The following MACROD2 variants were observed in gnomAD, a reference collection of about 807,000 sequenced individuals.
MACROD2 encodes ADP-ribose glycohydrolase MACROD2.
MACROD2 carries 36 observed loss-of-function variants against 70.4 expected under a neutral mutation model. The observed-to-expected ratio is 0.51, with a 90% CI of 0.39 to 0.68. The LOEUF (loss-of-function observed/expected upper bound fraction) is 0.68, where lower values mean the gene tolerates loss of function less well. Ranked by LOEUF, MACROD2 falls within the 30% of genes least tolerant of loss-of-function variation. MACROD2 has a pLI of 0.00. For synonymous variants in MACROD2, 172 were observed against 178.8 expected, an observed-to-expected ratio of 0.96 and a Z score of 0.30; for missense variants, 496 against 538.4, an observed-to-expected ratio of 0.92 and a Z score of 0.78.
chr20:15,028,121 T>C (rs117755223), intron 5 of MACROD2, among the ~76,000 whole-genome samples: 1 of 152,316 alleles, frequency 6.6e-6, no homozygotes, highest in East Asian at 1.9e-4. Flanking sequence ...GCTAAGGCCA[T>C]TCCTCAGGCC....
intron 3 of MACROD2, among the ~76,000 whole-genome samples, chr20:14,265,776 CTTT>C (rs11478087): frequency 6.1e-5 from 7 of 114,978 alleles, no homozygotes; most frequent in Admixed American, 9.1e-5. Flanking sequence ...CCGCCTTGTC[CTTT>C]TTTTTTTTTT....
chr20:15,714,212 C>T (rs912079302), intron 8 of MACROD2, among the ~76,000 whole-genome samples: 13 of 152,176 alleles, frequency 8.5e-5, no homozygotes, highest in African/African-American at 2.9e-4. Flanking sequence ...AAGGGCCAAC[C>T]ACAGAACTAA....
intron 13 of MACROD2, among the ~76,000 whole-genome samples, chr20:15,984,096 T>G (rs2066441175): frequency 6.7e-6 from 1 of 148,416 alleles, no homozygotes; most frequent in Non-Finnish European, 1.5e-5. Context: ...TGTTTGACCA[T>G]AAGGTAAGAT....
chr20:15,033,929 A>G (rs1032417935), intron 5 of MACROD2, among the ~76,000 whole-genome samples: 1 of 152,178 alleles, frequency 6.6e-6, no homozygotes, highest in Non-Finnish European at 1.5e-5. Flanking sequence ...CGTTTTATTA[A>G]TGAATGAGAG....
chr20:15,902,649 A>G (rs1338773169), intron 10 of MACROD2, among the ~76,000 whole-genome samples: 1 of 152,060 alleles, frequency 6.6e-6, no homozygotes, highest in Admixed American at 6.6e-5. Context: ...CTCTGGGGTA[A>G]GGCAGCCGCC....
intron 10 of MACROD2, among the ~76,000 whole-genome samples, chr20:15,929,573 A>G (rs6135608): frequency 0.072 from 11,016 of 152,198 alleles, 609 homozygotes; most frequent in East Asian, 0.23. Flanking sequence ...TTTAGAAGAA[A>G]AGACAGCAGT....
At chr20:14,162,536 G>A (rs936949717) in intron 3 of MACROD2, among the ~76,000 whole-genome samples, 1 of 151,970 alleles carries the variant, frequency 6.6e-6, no homozygotes, top group Non-Finnish European at 1.5e-5. Context: ...TTATATACCT[G>A]GGTGCTCCAG....
intron 3 of MACROD2, among the ~76,000 whole-genome samples, chr20:14,188,322 A>G (rs1477202914): frequency 6.6e-6 from 1 of 152,016 alleles, no homozygotes; most frequent in Non-Finnish European, 1.5e-5. Context: ...AGTTTGATAA[A>G]TTTTCCCCTG....
At chr20:15,622,508 C>G (rs6079910) in intron 8 of MACROD2, among the ~76,000 whole-genome samples, 17,509 of 152,112 alleles carry the variant, frequency 0.12, 1,136 homozygotes, top group South Asian at 0.19. Flanking sequence ...ACCAAGACAG[C>G]TCCTGAATGA....
intron 10 of MACROD2, among the ~76,000 whole-genome samples, chr20:15,909,176 T>C (rs1327894633): frequency 2.6e-5 from 4 of 152,200 alleles, no homozygotes; most frequent in African/African-American, 9.6e-5. Context: ...CTGGAGCTCT[T>C]TGGGCATCTC....
At chr20:14,443,807 A>G (rs2122964766) in intron 3 of MACROD2, among the ~76,000 whole-genome samples, 1 of 152,248 alleles carries the variant, frequency 6.6e-6, no homozygotes, top group African/African-American at 2.4e-5. Flanking sequence ...TTTCTAAGCC[A>G]TAGTCTCCTT....
chr20:14,047,839 T>C (rs1197916346), intron 2 of MACROD2, among the ~76,000 whole-genome samples: 11 of 152,162 alleles, frequency 7.2e-5, no homozygotes, highest in African/African-American at 4.8e-5. Context: ...AATGGTAGAA[T>C]AAATTTGTTC....
At chr20:15,894,809 A>G (rs762020840) in intron 10 of MACROD2, among the ~76,000 whole-genome samples, 4 of 152,226 alleles carry the variant, frequency 2.6e-5, no homozygotes, top group African/African-American at 4.8e-5. Flanking sequence ...AATCGTTCAG[A>G]GGAGAACACT....
At chr20:14,214,745 C>G (rs141780736) in intron 3 of MACROD2, among the ~76,000 whole-genome samples, 1 of 151,502 alleles carries the variant, frequency 6.6e-6, no homozygotes, top group Non-Finnish European at 1.5e-5. Context: ...TCTTCTATCC[C>G]TCGCTCCCAT....
At chr20:14,647,505 T>C (rs575093650) in intron 4 of MACROD2, among the ~76,000 whole-genome samples, 7 of 152,202 alleles carry the variant, frequency 4.6e-5, no homozygotes, top group African/African-American at 1.7e-4. Context: ...TCTGAAGGAA[T>C]TGTCATGGCT....
chr20:15,019,886 A>G (rs2122958600), intron 5 of MACROD2, among the ~76,000 whole-genome samples: 1 of 152,292 alleles, frequency 6.6e-6, no homozygotes, highest in South Asian at 2.1e-4. Context: ...CGAACATTTT[A>G]TTGATGAAAT....
Position 13,995,713 on chromosome 20 carries a change from C to A in MACROD2, c.-51C>A. 1 of 1,098,196 alleles carries A rather than the reference C, an allele frequency of 9.1e-7. No individual in the cohort carries two copies. The highest frequency in any genetic ancestry group is 1.3e-6 in the Non-Finnish European group (1 of 767,074). 68.0% of individuals were successfully genotyped at this position (1,098,196 alleles called of 1,614,324 possible). ...TCCCACTCCACACACACCCTGTTTG[C>A]CCGTGAGCCTGGGGAACTTGCAGCT... On this transcript the variant is annotated 5_prime_UTR_variant, in exon 1 of 18. Transcript: ENST00000684519. The surrounding 1 kb of genome is among the most constrained non-coding windows in gnomAD (Gnocchi z 4.3).
chr20:14,417,066 C>CATCTATCT lies in MACROD2; in HGVS notation c.272-76376_272-76369dup, dbSNP rs11405633. On this transcript the variant is annotated intron_variant, in intron 3 of 17. Coordinates refer to ENST00000684519, the MANE Select transcript of MACROD2 (RefSeq NM_001351661.2). ...ATCTATTATCTATCTATCTATCTAT[C>CATCTATCT]ATCTATCTATCTATCTATCTATCTA... 4.4e-4 allele frequency among the ~76,000 whole-genome samples: 59 copies of CATCTATCT among 132,604 alleles called. No individual in the cohort carries two copies. The East Asian group carries it at 4.6e-3, about 10-fold the overall frequency. 87.0% of individuals were successfully genotyped at this position (132,604 alleles called of 152,430 possible). A position where few individuals can be genotyped will look rare whatever the true frequency, so the allele number is the denominator to read the frequency against.
chr20:15,994,884 T>A (rs1568694000), intron 15 of MACROD2, among the ~76,000 whole-genome samples: 1 of 152,216 alleles, frequency 6.6e-6, no homozygotes, highest in East Asian at 1.9e-4. Context: ...TGTATCATCG[T>A]GTCCTGACCA....
Sources: allele counts gnomAD v4.1 joint callset (sites outside exome capture counted in the v4.1 genomes callset), GRCh38; gene constraint gnomAD v4.1.1; non-coding constraint Gnocchi (gnomAD v3.1); transcripts MANE v1.5; gene names NCBI Gene and HGNC (gene_info 2026-07-23, HGNC 2026-07-21).